BANK1: variants seen among roughly 807,000 people sequenced by gnomAD.
The protein encoded by BANK1 is B-cell scaffold protein with ankyrin repeats.
A neutral mutation model predicts 94.5 loss-of-function variants in BANK1; 95 were observed. That is an observed-to-expected ratio of 1.00 (90% CI 0.85 to 1.19). BANK1 has a LOEUF of 1.19. BANK1 is among the 50% of genes most tolerant of loss of function. The pLI, the probability that BANK1 is intolerant of heterozygous loss-of-function variation, is 0.00. For missense variants in BANK1, 987 were observed against 932.2 expected, an observed-to-expected ratio of 1.06 and a Z score of -0.77; for synonymous variants, 334 against 308.4, an observed-to-expected ratio of 1.08 and a Z score of -0.87.
intron 10 of BANK1, among the ~76,000 whole-genome samples, chr4:102,035,250 A>G (rs189312529): frequency 6.6e-6 from 1 of 152,334 alleles, no homozygotes; most frequent in East Asian, 1.9e-4. Flanking sequence ...TTATTCATAT[A>G]CAGCTAAGCA....
At chr4:101,877,277 A>G (rs1268657738) in intron 5 of BANK1, among the ~76,000 whole-genome samples, 1 of 152,190 alleles carries the variant, frequency 6.6e-6, no homozygotes. Context: ...CTAAGGTTAA[A>G]GATGAGTCCT....
intron 7 of BANK1, among the ~76,000 whole-genome samples, chr4:101,936,297 A>ATATATGCACG (rs1560641198): frequency 2.1e-4 from 28 of 132,496 alleles, no homozygotes; most frequent in Non-Finnish European, 4.4e-4. Context: ...ATATATGCAC[A>ATATATGCACG]CATACATGCA....
intron 7 of BANK1, among the ~76,000 whole-genome samples, chr4:101,933,328 A>AG (rs1553933838): frequency 4.9e-4 from 74 of 150,952 alleles, no homozygotes; most frequent in Non-Finnish European, 8.9e-4. Context: ...AAAAAAAAAA[A>AG]GCTAAGCATG....
intron 15 of BANK1, 143 bp from the exon 16 acceptor site, chr4:102,073,541 G>A (rs1311054596): frequency 2.5e-5 from 16 of 650,822 alleles, no homozygotes; most frequent in Non-Finnish European, 4.1e-5. Flanking sequence ...TTTTAAAATG[G>A]AAGATTGTCT....
rs879208730 is a variant in BANK1 at position 102,006,771 on chromosome 4, G to C, written c.1207-14743G>C. On this transcript the variant is annotated intron_variant, in intron 7 of 16. Transcript: ENST00000322953. Reference sequence around the variant, plus strand: ...AAGATACGATCTATTTAATTTGCTGGCCCTTACTGTAATTTTATCTTTAGT... The same window carrying C: ...AAGATACGATCTATTTAATTTGCTGCCCCTTACTGTAATTTTATCTTTAGT... Among the ~76,000 whole-genome samples, 7 of 151,190 alleles carry C rather than the reference G, an allele frequency of 4.6e-5. No homozygotes were observed. The Admixed American group carries it at 4.6e-4, about 10-fold the overall frequency.
At chr4:101,950,021 GTGTGT>G (rs1560648465) in intron 7 of BANK1, among the ~76,000 whole-genome samples, 18 of 8,096 alleles carry the variant, frequency 2.2e-3, no homozygotes, top group African/African-American at 3.9e-3. Flanking sequence ...AGTAAGGGGT[GTGTGT>G]GTGTGTGTGT....
At chr4:101,802,376 A>G (rs1343766262) in intron 1 of BANK1, among the ~76,000 whole-genome samples, 1 of 152,230 alleles carries the variant, frequency 6.6e-6, no homozygotes, top group Non-Finnish European at 1.5e-5. Context: ...AAATATATAC[A>G]ATGTCTCACC....
chr4:101,827,302 T>C lies in BANK1; in HGVS notation c.71-2506T>C, dbSNP rs553823062. On this transcript the variant is annotated intron_variant, in intron 1 of 16. Coordinates refer to ENST00000322953, the MANE Select transcript of BANK1 (RefSeq NM_017935.5). ...CTTTAAATATAAAGTTAATTTAAAG[T>C]AAAACTAATGATATATTTTAAGATA... Among the ~76,000 whole-genome samples the C allele has an allele frequency of 2.0e-5, 3 of 152,046 alleles. No individual in the cohort carries two copies. In the South Asian group the frequency reaches 6.2e-4, roughly 32 times the overall value.
At chr4:101,997,925 G>T (rs1005569911) in intron 7 of BANK1, among the ~76,000 whole-genome samples, 1 of 151,936 alleles carries the variant, frequency 6.6e-6, no homozygotes, top group Non-Finnish European at 1.5e-5. Flanking sequence ...CTTCAGTTCT[G>T]CTCTGATCTT....
At chr4:102,036,786 G>A (rs1324845930) in intron 10 of BANK1, 1 of 152,112 alleles carries the variant, frequency 6.6e-6, no homozygotes, top group Non-Finnish European at 1.5e-5. Context: ...ATGATCCCCT[G>A]GCTTCTTCAC....
intron 7 of BANK1, among the ~76,000 whole-genome samples, chr4:101,945,391 A>G (rs1422850072): frequency 1.3e-5 from 2 of 151,968 alleles, no homozygotes; most frequent in Non-Finnish European, 2.9e-5. Context: ...GTTCCAGGAA[A>G]TATGCTATTC....
chr4:101,804,354 A>G (rs1725477718), intron 1 of BANK1, among the ~76,000 whole-genome samples: 1 of 152,206 alleles, frequency 6.6e-6, no homozygotes, highest in Admixed American at 6.5e-5. Context: ...ATGGTGTATG[A>G]TGACAGTCAT....
chr4:102,069,205 ATAAT>A (rs1728681860), intron 13 of BANK1, among the ~76,000 whole-genome samples: 1 of 152,220 alleles, frequency 6.6e-6, no homozygotes, highest in Non-Finnish European at 1.5e-5. Context: ...AGTATAACAA[ATAAT>A]TACAGAGAGA....
At position 102,006,870 on chromosome 4, in the gene BANK1, T is replaced by C. The variant is rs1379320027; in HGVS notation, c.1207-14644T>C. Among the ~76,000 whole-genome samples, 11 of 150,608 alleles carry C rather than the reference T, an allele frequency of 7.3e-5. No individual in the cohort carries two copies. The East Asian group carries it at 1.7e-3, about 24-fold the overall frequency. On this transcript the variant is annotated intron_variant, in intron 7 of 16. Coordinates refer to ENST00000322953, the MANE Select transcript of BANK1 (RefSeq NM_017935.5). ...TATAACATAGGGGTAACTGGAATCA[T>C]GCCACATGTGTCTCATCAATCTACA...
At chr4:101,946,876 A>G (rs926999522) in intron 7 of BANK1, among the ~76,000 whole-genome samples, 4 of 152,034 alleles carry the variant, frequency 2.6e-5, no homozygotes, top group Non-Finnish European at 5.9e-5. Context: ...GAGAAGAGCC[A>G]TTTAACAATA....
At chr4:101,940,960 T>G (rs1447674940) in intron 7 of BANK1, among the ~76,000 whole-genome samples, 1 of 151,676 alleles carries the variant, frequency 6.6e-6, no homozygotes, top group Non-Finnish European at 1.5e-5. Context: ...ATGCTCCACC[T>G]CCTTGAGGAC....
rs149410210 is a variant in BANK1, at chr4:101,922,854, A to G, written c.1206+4665A>G. Among the ~76,000 whole-genome samples the G allele has an allele frequency of 1.7e-3, 264 of 151,898 alleles. 1 individual carries two copies. Among genetic ancestry groups the G allele is most frequent in the African/African-American group, 6.0e-3 (250 of 41,494 alleles). On this transcript the variant is annotated intron_variant, in intron 7 of 16. Coordinates refer to ENST00000322953, the MANE Select transcript of BANK1 (RefSeq NM_017935.5). ...GTTTTGTGCTTGAAACTACTTGGGA[A>G]TCTCTTTCAAAAATCTGGCTATCAC...
rs1491537713 is a variant in BANK1 at position 101,986,873 on chromosome 4, A to ATATG, written c.1207-34640_1207-34639insATGT. Among the ~76,000 whole-genome samples the ATATG allele has an allele frequency of 8.1e-4, 38 of 46,880 alleles. 1 individual carries two copies. Among genetic ancestry groups the ATATG allele is most frequent in the East Asian group, 5.5e-3 (8 of 1,442 alleles). The allele number at this position is 46,880 out of a possible 152,430, so 30.8% of individuals were successfully genotyped here. On this transcript the variant is annotated intron_variant, in intron 7 of 16. Transcript: ENST00000322953. Reference sequence around the variant, plus strand: ...TATATATGTATATATATATGTGTGTATGTGTGTGTGTGTGTGTGTGTGTGT... The same window carrying ATATG: ...TATATATGTATATATATATGTGTGTATATGTGTGTGTGTGTGTGTGTGTGTGTGT...
At chr4:101,829,152 G>A (rs556480211) in intron 1 of BANK1, among the ~76,000 whole-genome samples, 6 of 152,194 alleles carry the variant, frequency 3.9e-5, no homozygotes, top group South Asian at 2.1e-4. Context: ...GTGAGCCACC[G>A]CGCCGGGCAA....
Sources: allele counts gnomAD v4.1 joint callset (sites outside exome capture counted in the v4.1 genomes callset), GRCh38; gene constraint gnomAD v4.1.1; transcripts MANE v1.5; gene names NCBI Gene and HGNC (gene_info 2026-07-23, HGNC 2026-07-21).